Variants in FLT3LG observed in about 807,000 individuals in gnomAD.
FLT3LG encodes fms related receptor tyrosine kinase 3 ligand, also known as fms-related tyrosine kinase 3 ligand.
FLT3LG carries 8 observed loss-of-function variants against 30.9 expected under a neutral mutation model. The observed-to-expected ratio is 0.26, with a 90% CI of 0.15 to 0.47. The LOEUF (loss-of-function observed/expected upper bound fraction) is 0.47, where lower values mean the gene tolerates loss of function less well. Ranked by LOEUF, FLT3LG falls within the 20% of genes least tolerant of loss-of-function variation. FLT3LG has a pLI of 0.99. For synonymous variants in FLT3LG, 123 were observed against 135.9 expected, an observed-to-expected ratio of 0.91 and a Z score of 0.66; for missense variants, 278 against 306.2, an observed-to-expected ratio of 0.91 and a Z score of 0.69.
At chr19:49,485,916 A>G (rs1423056094) in intron 8 of FLT3LG, 99 bp from the exon 9 acceptor site, 2 of 152,212 alleles carry the variant, frequency 1.3e-5, no homozygotes, top group African/African-American at 4.8e-5. Context: ...TTTGGGCATA[A>G]ATCTGTGGCC....
Position 49,479,055 on chromosome 19 carries a change from C to T in FLT3LG, c.481+8C>T, listed in dbSNP as rs1241353724. ...AGCTGCAGTGTCAGCCCGGTAAAGGCTTCCAGGCACCCCCACTCCTTCCCC... is the reference window on the plus strand; with the variant it reads ...AGCTGCAGTGTCAGCCCGGTAAAGGTTTCCAGGCACCCCCACTCCTTCCCC... On this transcript the variant is annotated splice_region_variant and intron_variant, in intron 6 of 8. Transcript: ENST00000597551. The T allele has an allele frequency of 3.1e-6, 5 of 1,603,518 alleles. No homozygotes were observed. Among genetic ancestry groups the T allele is most frequent in the South Asian group, 1.1e-5 (1 of 89,068 alleles).
intron 8 of FLT3LG, among the ~76,000 whole-genome samples, chr19:49,485,793 T>C (rs2079782438): frequency 6.6e-6 from 1 of 152,172 alleles, no homozygotes; most frequent in Non-Finnish European, 1.5e-5. Context: ...GCTGGGATTA[T>C]AGGCATGAGC....
chr19:49,475,702 C>CCTG lies in FLT3LG; in HGVS notation c.58_60dup (p.Leu20dup), dbSNP rs750620711. 5 of 1,595,706 alleles carry CCTG rather than the reference C, an allele frequency of 3.1e-6. No individual in the cohort carries two copies. In the South Asian group the frequency reaches 3.3e-5, roughly 11 times the overall value. ...CCGCTCCCCTGCAGACCTATCTCCT[C>CCTG]CTGCTGCTGCTGCTGAGCTCGGGAC... On this transcript the variant is annotated inframe_insertion, in exon 3 of 9. Coordinates refer to ENST00000597551, the MANE Select transcript of FLT3LG (RefSeq NM_001459.4).
intron 8 of FLT3LG, chr19:49,480,902 T>G (rs749239833): frequency 2.7e-6 from 1 of 366,966 alleles, no homozygotes; most frequent in Non-Finnish European, 5.0e-6. Context: ...CATAGTGGTG[T>G]GTGCCTGTAA....
Position 49,476,746 on chromosome 19 carries a change from A to T in FLT3LG, c.342+180A>T, listed in dbSNP as rs1442101472. ...AACAACACGTCCCCAGGCACCGGTG[A>T]TGGGGAGCAGTCTGGTCCCATTCTG... On this transcript the variant is annotated intron_variant, in intron 5 of 8. Coordinates refer to ENST00000597551, the MANE Select transcript of FLT3LG (RefSeq NM_001459.4). This position sits in a 1 kb window ranked among gnomAD's most constrained non-coding sequence, Gnocchi z 5.3. The T allele has an allele frequency of 2.6e-6, 2 of 757,168 alleles. No individual in the cohort carries two copies. The highest frequency in any genetic ancestry group is 3.6e-5 in the African/African-American group (2 of 56,044). The allele number at this position is 757,168 out of a possible 1,614,324, so 46.9% of individuals were successfully genotyped here.
chr19:49,480,339 G>C lies in FLT3LG; in HGVS notation c.523G>C (p.Glu175Gln). Residue 175 changes from glutamate to glutamine, a missense_variant, in exon 7 of 9, where the codon GAG (glutamate) becomes CAG (glutamine). Physicochemically the swap from Glu to Gln is conservative, Grantham distance 29. Around this residue, in one of 3 missense-constraint regions of FLT3LG, gnomAD observed 170 missense variants for 162.0 expected, o/e 1.05. Transcript: ENST00000597551. ...ACCCCCATGGAGTCCCCGGCCCCTG[G>C]AGGCCACAGCCCCGACAGCCCCGCA... ...LPPPWSPRPL[E>Q]ATAPTAPQPP... 6.2e-7 allele frequency: 1 copy of C among 1,609,946 alleles called. No homozygotes were observed. The highest frequency in any genetic ancestry group is 8.5e-7 in the Non-Finnish European group (1 of 1,178,256).
At position 49,476,330 on chromosome 19, in the gene FLT3LG, C is replaced by G; in HGVS notation, c.199-93C>G. ...TCAGAGTCCTCAGCCCCTCCTCCCT[C>G]AGACCCAGGAGCCCCGGCCCAGCCC... On this transcript the variant is annotated intron_variant, in intron 4 of 8. Transcript: ENST00000597551. This position sits in a 1 kb window ranked among gnomAD's most constrained non-coding sequence, Gnocchi z 5.3. The G allele has an allele frequency of 1.3e-6, 2 of 1,496,606 alleles. No homozygotes were observed. Among genetic ancestry groups the G allele is most frequent in the Non-Finnish European group, 1.8e-6 (2 of 1,084,270 alleles). The allele number at this position is 1,496,606 out of a possible 1,614,324, so 92.7% of individuals were successfully genotyped here.
Position 49,476,587 on chromosome 19 carries a change from A to G in FLT3LG, c.342+21A>G. The G allele has an allele frequency of 6.2e-7, 1 of 1,613,710 alleles. No homozygotes were observed. The highest frequency in any genetic ancestry group is 8.5e-7 in the Non-Finnish European group (1 of 1,179,842). ...TTCAGGTCAGCCCTCAACTTAGGGG[A>G]CAAGTGAGGGGAGGGAGATGCCTTC... On this transcript the variant is annotated intron_variant, in intron 5 of 8. Transcript: ENST00000597551. The surrounding 1 kb of genome is among the most constrained non-coding windows in gnomAD (Gnocchi z 5.3).
At chr19:49,480,667 TG>T (rs1486627053) in intron 8 of FLT3LG, 47 bp downstream of exon 8, 1 of 1,553,360 alleles carries the variant, frequency 6.4e-7, no homozygotes, top group East Asian at 2.4e-5. Context: ...GTCTGCAGGT[TG>T]GGAGGGTCAC....
intron 8 of FLT3LG, among the ~76,000 whole-genome samples, chr19:49,483,216 C>T (rs953357498): frequency 6.6e-6 from 1 of 152,048 alleles, no homozygotes; most frequent in African/African-American, 2.4e-5. Flanking sequence ...ACCTCGGACT[C>T]CCTGGTTCAG....
chr19:49,475,206 G>A (rs1410987984), intron 2 of FLT3LG, among the ~76,000 whole-genome samples: 2 of 108,332 alleles, frequency 1.8e-5, no homozygotes, highest in Non-Finnish European at 3.7e-5. Flanking sequence ...AGGAGAGGAA[G>A]AGAGACAGAG....
chr19:49,483,033 G>C (rs1417723545), intron 8 of FLT3LG, among the ~76,000 whole-genome samples: 1 of 152,140 alleles, frequency 6.6e-6, no homozygotes, highest in Non-Finnish European at 1.5e-5. Flanking sequence ...TGATTAATGA[G>C]ACATTAATCA....
rs377157097 is a variant in FLT3LG at position 49,474,632 on chromosome 19, C to T, written c.-8C>T. 3.5e-5 allele frequency: 57 copies of T among 1,612,466 alleles called. No homozygotes were observed. The highest frequency in any genetic ancestry group is 8.0e-5 in the African/African-American group (6 of 74,914). ...GGCGACAGGAGGCATGAGGGGCCCC[C>T]GGCCGAAATGACAGTGCTGGCGCCA... On this transcript the variant is annotated 5_prime_UTR_variant, in exon 2 of 9. Coordinates refer to ENST00000597551, the MANE Select transcript of FLT3LG (RefSeq NM_001459.4).
intron 8 of FLT3LG, among the ~76,000 whole-genome samples, chr19:49,483,358 C>T (rs1160798954): frequency 2.6e-5 from 4 of 151,906 alleles, no homozygotes; most frequent in Non-Finnish European, 5.9e-5. Flanking sequence ...CCTCGTGATC[C>T]GCCCGCCTCA....
intron 5 of FLT3LG, among the ~76,000 whole-genome samples, chr19:49,478,561 T>G (rs2122515518): frequency 6.6e-6 from 1 of 151,962 alleles, no homozygotes; most frequent in East Asian, 1.9e-4. Flanking sequence ...TCACCTGAGG[T>G]CAGGAGTTCG....
chr19:49,478,877 G>C (rs2049297841), intron 5 of FLT3LG, 32 bp from the exon 6 acceptor site: 11 of 1,482,574 alleles, frequency 7.4e-6, no homozygotes, highest in Admixed American at 2.3e-5. Flanking sequence ...GGGGGATGAC[G>C]TGGTGGTGAC....
intron 2 of FLT3LG, among the ~76,000 whole-genome samples, chr19:49,475,189 C>T (rs1190837542): frequency 1.2e-4 from 9 of 75,200 alleles, no homozygotes; most frequent in Non-Finnish European, 2.1e-4. Context: ...AGGAGGGAGA[C>T]GGACAGAGGA....
chr19:49,485,263 T>C (rs1331939321), intron 8 of FLT3LG, among the ~76,000 whole-genome samples: 3 of 150,240 alleles, frequency 2.0e-5, no homozygotes, highest in African/African-American at 7.3e-5. Context: ...TTTTTTTTTT[T>C]TTGAGATGGG....
At chr19:49,475,667 C>G in intron 2 of FLT3LG, 24 bp from the exon 3 acceptor site, 1 of 1,598,956 alleles carries the variant, frequency 6.3e-7, no homozygotes, top group Non-Finnish European at 8.5e-7. Context: ...GCAGAGGGCT[C>G]CCCCAGCACC....
Sources: gnomAD v4.1 joint callset for allele counts (sites outside exome capture counted in the v4.1 genomes callset) on GRCh38, gnomAD v4.1.1 for gene constraint, gnomAD v4.1.1 regional missense constraint, Gnocchi (gnomAD v3.1) non-coding constraint, MANE v1.5 for transcripts, NCBI Gene and HGNC (gene_info 2026-07-23, HGNC 2026-07-21) for gene names.